The following NUCKS1 variants were observed in gnomAD, a reference collection of about 807,000 sequenced individuals.
NUCKS1 encodes nuclear ubiquitous casein and cyclin-dependent kinase substrate 1.
Under a neutral mutation model 33.0 loss-of-function variants are expected in NUCKS1, and 2 were observed. The observed-to-expected ratio is 0.06, with a 90% CI of 0.02 to 0.19. The LOEUF (loss-of-function observed/expected upper bound fraction) is 0.19. Ranked by LOEUF, NUCKS1 falls within the 10% of genes least tolerant of loss-of-function variation. The pLI is 1.00. For missense variants in NUCKS1, 201 were observed against 293.6 expected (o/e 0.68, Z 2.31); for synonymous variants, 106 against 102.8 (o/e 1.03, Z -0.19).
At chr1:205,740,501 G>A (rs564376931) in intron 1 of NUCKS1, among the ~76,000 whole-genome samples, 1 of 152,092 alleles carries the variant, frequency 6.6e-6, no homozygotes, top group South Asian at 2.1e-4. Flanking sequence ...TGTAGTCTCA[G>A]ATACTTGGGA....
In NUCKS1 at chr1:205,718,165, C is replaced by CA; in HGVS notation, c.*114dup. 1 of 1,374,866 alleles carries CA rather than the reference C, an allele frequency of 7.3e-7. No individual in the cohort carries two copies. Among genetic ancestry groups the CA allele is most frequent in the Non-Finnish European group, 9.3e-7 (1 of 1,069,898 alleles). 85.2% of individuals were successfully genotyped at this position (1,374,866 alleles called of 1,614,324 possible). A position where few individuals can be genotyped will look rare whatever the true frequency, so the allele number is the denominator to read the frequency against. On this transcript the variant is annotated 3_prime_UTR_variant, in exon 7 of 7. Coordinates refer to ENST00000367142, the MANE Select transcript of NUCKS1 (RefSeq NM_022731.5). Reference sequence around the variant, plus strand: ...AAAAAAGCACTGAAAGCCCATGAGTCAAGCCATAGCCAAAACCATGTTCTA... The same window carrying CA: ...AAAAAAGCACTGAAAGCCCATGAGTCAAAGCCATAGCCAAAACCATGTTCTA...
At chr1:205,723,503 T>G (rs1291485188) in intron 4 of NUCKS1, among the ~76,000 whole-genome samples, 1 of 152,190 alleles carries the variant, frequency 6.6e-6, no homozygotes. Context: ...AATGAAACTT[T>G]CATTTGCTTT....
At chr1:205,729,264 T>G (rs1253921199) in intron 2 of NUCKS1, among the ~76,000 whole-genome samples, 1 of 152,140 alleles carries the variant, frequency 6.6e-6, no homozygotes, top group Non-Finnish European at 1.5e-5. Flanking sequence ...CCATGGCGAC[T>G]GGCTGACAGC....
chr1:205,725,586 T>TG (rs1653745968), intron 3 of NUCKS1, among the ~76,000 whole-genome samples: 1 of 152,210 alleles, frequency 6.6e-6, no homozygotes, highest in South Asian at 2.1e-4. Flanking sequence ...TTCCAGCTCT[T>TG]TTATCGAGTT....
chr1:205,727,764 T>C lies in NUCKS1; in HGVS notation c.109A>G (p.Ile37Val). 1.2e-6 allele frequency: 2 copies of C among 1,613,620 alleles called. No homozygotes were observed. The highest frequency in any genetic ancestry group is 1.7e-6 in the Non-Finnish European group (2 of 1,179,806). ...GRDSGPPTKKIRSSPREAKNK... is the reference protein window; with the variant it reads ...GRDSGPPTKKVRSSPREAKNK... ...TTAGCTTCTCGGGGAGATGATCGAA[T>C]TTTCTTAGTGGGAGGGCCCGAATCT... Residue 37 changes from isoleucine (I) to valine (V), a missense_variant, in exon 3 of 7, where the codon ATT becomes GTT. Coordinates refer to ENST00000367142, the MANE Select transcript of NUCKS1 (RefSeq NM_022731.5).
intron 1 of NUCKS1, among the ~76,000 whole-genome samples, chr1:205,743,246 G>GT (rs1419609343): frequency 3.3e-5 from 5 of 152,150 alleles, no homozygotes; most frequent in Admixed American, 6.5e-5. Flanking sequence ...AACTAACGGT[G>GT]TTTTTTGGGC....
In NUCKS1 at chr1:205,718,114, A is replaced by C; in HGVS notation, c.*166T>G. 1 of 1,248,356 alleles carries C rather than the reference A, an allele frequency of 8.0e-7. No individual in the cohort carries two copies. The highest frequency in any genetic ancestry group is 1.0e-6 in the Non-Finnish European group (1 of 997,348). 77.3% of individuals were successfully genotyped at this position (1,248,356 alleles called of 1,614,324 possible). A position where few individuals can be genotyped will look rare whatever the true frequency, so the allele number is the denominator to read the frequency against. ...AAAAAAAAAAAAAAAAGAGAGAGAG[A>C]GAGAAATGTTACTTTCAACAAATGG... On this transcript the variant is annotated 3_prime_UTR_variant, in exon 7 of 7. Coordinates refer to ENST00000367142, the MANE Select transcript of NUCKS1 (RefSeq NM_022731.5).
At chr1:205,726,163 C>A (rs1440188035) in intron 3 of NUCKS1, among the ~76,000 whole-genome samples, 1 of 152,110 alleles carries the variant, frequency 6.6e-6, no homozygotes, top group Admixed American at 6.6e-5. Context: ...CATACCATTG[C>A]ACTCCAGCCT....
intron 6 of NUCKS1, among the ~76,000 whole-genome samples, chr1:205,718,750 A>C (rs1399347450): frequency 1.3e-5 from 2 of 152,208 alleles, no homozygotes; most frequent in Non-Finnish European, 2.9e-5. Flanking sequence ...TGTAAAGAAG[A>C]AGCACCATGC....
intron 4 of NUCKS1, among the ~76,000 whole-genome samples, chr1:205,720,973 G>A (rs1329327371): frequency 1.3e-5 from 2 of 152,148 alleles, no homozygotes; most frequent in African/African-American, 4.8e-5. Context: ...CATGGATGGA[G>A]CTGGAGGCCA....
chr1:205,728,829 A>G (rs1653839440), intron 2 of NUCKS1, among the ~76,000 whole-genome samples: 1 of 152,246 alleles, frequency 6.6e-6, no homozygotes, highest in African/African-American at 2.4e-5. Context: ...AAGTTGTTTC[A>G]CAAAACAGAC....
Position 205,717,211 on chromosome 1 carries a change from G to A in NUCKS1, c.*1069C>T, listed in dbSNP as rs1002300232. Reference sequence around the variant, plus strand: ...CAAATAAAAGCAGAGCATGGTTAATGGGACCTGAATGCACATTTATAGCAT... The same window carrying A: ...CAAATAAAAGCAGAGCATGGTTAATAGGACCTGAATGCACATTTATAGCAT... On this transcript the variant is annotated 3_prime_UTR_variant, in exon 7 of 7. Coordinates refer to ENST00000367142, the MANE Select transcript of NUCKS1 (RefSeq NM_022731.5). The A allele has an allele frequency of 3.4e-6, 2 of 585,142 alleles. No homozygotes were observed. The highest frequency in any genetic ancestry group is 4.3e-6 in the Non-Finnish European group (2 of 463,256). 36.2% of individuals were successfully genotyped at this position (585,142 alleles called of 1,614,324 possible).
chr1:205,719,780 C>G (rs2102429892), intron 5 of NUCKS1, 104 bp from the exon 6 acceptor site: 1 of 1,240,586 alleles, frequency 8.1e-7, no homozygotes, highest in Middle Eastern at 2.5e-4. Context: ...ATTTGGGAGT[C>G]AAACACCCTT....
rs925904169 is a variant in NUCKS1, at chr1:205,750,131, A to G, written c.-158T>C. ...CTCAAACTCCGCTGCTCTTTGGTTC[A>G]GGGCTCCTGGAACAGACGAGCCCCC... On this transcript the variant is annotated 5_prime_UTR_variant, in exon 1 of 7. Coordinates refer to ENST00000367142, the MANE Select transcript of NUCKS1 (RefSeq NM_022731.5). The G allele has an allele frequency of 3.1e-5, 23 of 754,006 alleles. No homozygotes were observed. Among genetic ancestry groups the G allele is most frequent in the Non-Finnish European group, 4.2e-5 (19 of 452,818 alleles). The allele number at this position is 754,006 out of a possible 1,614,324, so 46.7% of individuals were successfully genotyped here.
chr1:205,738,915 A>G (rs1342609157), intron 1 of NUCKS1, among the ~76,000 whole-genome samples: 1 of 152,164 alleles, frequency 6.6e-6, no homozygotes, highest in Non-Finnish European at 1.5e-5. Context: ...GTCTCAAATG[A>G]ATAACTACAT....
chr1:205,748,993 C>T (rs1013702429), intron 1 of NUCKS1, among the ~76,000 whole-genome samples: 1 of 152,102 alleles, frequency 6.6e-6, no homozygotes. Context: ...ACGATTCCAC[C>T]GACAGCTGGG....
chr1:205,715,828 T>G lies in NUCKS1; in HGVS notation c.*2452A>C, dbSNP rs920193589. On this transcript the variant is annotated 3_prime_UTR_variant, in exon 7 of 7. Coordinates refer to ENST00000367142, the MANE Select transcript of NUCKS1 (RefSeq NM_022731.5). ...AAGGATGGTGCCAATGGCCAGTCAG[T>G]ATCGGCTTACAGCTTGTAATGCGTC... is the stretch of plus-strand genomic sequence containing the variant. 2.6e-5 allele frequency: 4 copies of G among 152,222 alleles called. No homozygotes were observed. Among genetic ancestry groups the G allele is most frequent in the African/African-American group, 9.6e-5 (4 of 41,454 alleles). 9.4% of individuals were successfully genotyped at this position (152,222 alleles called of 1,614,324 possible).
chr1:205,727,966 C>T (rs981867344), intron 2 of NUCKS1, among the ~76,000 whole-genome samples, 161 bp from the exon 3 acceptor site: 6 of 152,138 alleles, frequency 3.9e-5, no homozygotes, highest in Non-Finnish European at 4.4e-5. Flanking sequence ...TATTTCCCAA[C>T]GCAGTCCTAT....
intron 1 of NUCKS1, among the ~76,000 whole-genome samples, chr1:205,743,339 C>A (rs2102448035): frequency 6.6e-6 from 1 of 152,312 alleles, no homozygotes; most frequent in East Asian, 1.9e-4. Context: ...TGGAGTTCAA[C>A]ATCTCCACTA....
Sources: gnomAD v4.1 joint callset for allele counts (sites outside exome capture counted in the v4.1 genomes callset) on GRCh38, gnomAD v4.1.1 for gene constraint, MANE v1.5 for transcripts, NCBI Gene and HGNC (gene_info 2026-07-23, HGNC 2026-07-21) for gene names.